Variants in PSIP1 observed in about 807,000 individuals in gnomAD.
PSIP1 encodes the protein PC4 and SRSF1 interacting protein 1, also known as PC4 and SFRS1-interacting protein.
A neutral mutation model predicts 74.7 loss-of-function variants in PSIP1; 19 were observed. The ratio of observed to expected loss-of-function variants is 0.25; its 90% confidence interval spans 0.18 to 0.37. The LOEUF is 0.37. PSIP1 is among the 10% of genes least tolerant of loss of function. The pLI is 1.00. For missense variants in PSIP1, 601 were observed against 614.3 expected (o/e 0.98, Z 0.23); for synonymous variants, 222 against 195.3 (o/e 1.14, Z -1.14).
intron 3 of PSIP1, chr9:15,505,225 CCA>C (rs1472593140): frequency 6.6e-6 from 1 of 152,170 alleles, no homozygotes; most frequent in East Asian, 1.9e-4. Context: ...GTGTCAGCCA[CCA>C]CACCCAGCCA....
At chr9:15,500,573 T>C (rs1384158286) in intron 3 of PSIP1, among the ~76,000 whole-genome samples, 1 of 152,218 alleles carries the variant, frequency 6.6e-6, no homozygotes, top group African/African-American at 2.4e-5. Flanking sequence ...ATGAAACTTG[T>C]ACAGAAGAAC....
intron 6 of PSIP1, among the ~76,000 whole-genome samples, chr9:15,484,305 T>TAC (rs2036465881): frequency 7.5e-6 from 1 of 134,212 alleles, no homozygotes; most frequent in East Asian, 2.2e-4. Flanking sequence ...AAAAAAAAAA[T>TAC]ATATATATAT....
At chr9:15,468,187 G>A (rs918462130) in intron 14 of PSIP1, among the ~76,000 whole-genome samples, 1 of 151,636 alleles carries the variant, frequency 6.6e-6, no homozygotes, top group Non-Finnish European at 1.5e-5. Flanking sequence ...TAACTCAGCA[G>A]CATCATCAGA....
intron 2 of PSIP1, among the ~76,000 whole-genome samples, chr9:15,509,115 C>T (rs1052502869): frequency 1.3e-5 from 2 of 152,214 alleles, no homozygotes; most frequent in Non-Finnish European, 2.9e-5. Context: ...TTCCACCATT[C>T]CCCTGCTGAC....
intron 8 of PSIP1, among the ~76,000 whole-genome samples, chr9:15,477,808 A>G (rs1195798338): frequency 1.3e-5 from 2 of 152,108 alleles, no homozygotes; most frequent in African/African-American, 4.8e-5. Flanking sequence ...TTTTAGCCCT[A>G]TTTTTAAATA....
At chr9:15,488,797 G>A (rs186259609) in intron 4 of PSIP1, among the ~76,000 whole-genome samples, 347 of 146,832 alleles carry the variant, frequency 2.4e-3, no homozygotes, top group East Asian at 9.5e-3. Flanking sequence ...CGAGGCGGGC[G>A]GATCACAAGG....
intron 3 of PSIP1, among the ~76,000 whole-genome samples, chr9:15,503,126 G>C (rs929325684): frequency 6.6e-6 from 1 of 152,196 alleles, no homozygotes; most frequent in African/African-American, 2.4e-5. Flanking sequence ...CAGCACTTTG[G>C]GAGGCCAAGG....
intron 3 of PSIP1, among the ~76,000 whole-genome samples, chr9:15,497,663 T>G (rs546009132): frequency 6.6e-6 from 1 of 152,000 alleles, no homozygotes; most frequent in Admixed American, 6.5e-5. Context: ...AGGAAGAAAG[T>G]AGGTTAGCTA....
At chr9:15,472,165 CTTTAGA>C in intron 10 of PSIP1, 1 of 985,850 alleles carries the variant, frequency 1.0e-6, no homozygotes, top group Non-Finnish European at 1.2e-6. Flanking sequence ...CCCTGTCAGC[CTTTAGA>C]TTTACTTTTA....
At chr9:15,468,387 G>C (rs1006468633) in intron 14 of PSIP1, 7 of 711,424 alleles carry the variant, frequency 9.8e-6, no homozygotes, top group Admixed American at 3.6e-5. Context: ...TTTATCCAGA[G>C]TCATCTGCCT....
intron 3 of PSIP1, among the ~76,000 whole-genome samples, chr9:15,491,704 G>C (rs971682478): frequency 6.6e-6 from 1 of 152,198 alleles, no homozygotes; most frequent in Non-Finnish European, 1.5e-5. Context: ...AACCACTATA[G>C]GTGTGTTAGT....
Position 15,464,071 on chromosome 9 carries a change from T to C in PSIP1, c.*1449A>G, listed in dbSNP as rs143703903. ...AAAGTAATTTACTAGCAGAGTTTGA[T>C]AGAAAAATTCTTTAATGAAAACAAG... On this transcript the variant is annotated 3_prime_UTR_variant, in exon 16 of 16. Transcript: ENST00000380733. The C allele has an allele frequency of 2.3e-3, 406 of 177,682 alleles. 2 individuals carry two copies. The highest frequency in any genetic ancestry group is 0.011 in the Middle Eastern group (5 of 446). The allele number at this position is 177,682 out of a possible 1,614,324, so 11.0% of individuals were successfully genotyped here. A position where few individuals can be genotyped will look rare whatever the true frequency, so the allele number is the denominator to read the frequency against.
chr9:15,503,875 T>C (rs998168983), intron 3 of PSIP1, among the ~76,000 whole-genome samples: 7 of 152,134 alleles, frequency 4.6e-5, no homozygotes, highest in African/African-American at 1.7e-4. Flanking sequence ...GCCTCCCAAG[T>C]AGCTGAGACT....
chr9:15,493,465 C>T (rs1423212616), intron 3 of PSIP1, among the ~76,000 whole-genome samples: 1 of 152,214 alleles, frequency 6.6e-6, no homozygotes, highest in East Asian at 1.9e-4. Context: ...CTGTTCCAAC[C>T]TCTGCCTGTT....
intron 14 of PSIP1, chr9:15,468,371 A>G: frequency 1.5e-6 from 1 of 683,750 alleles, no homozygotes; most frequent in Non-Finnish European, 2.7e-6. Context: ...GGGTTTTTAA[A>G]AATTGTTTAT....
At chr9:15,504,160 G>A (rs997514772) in intron 3 of PSIP1, among the ~76,000 whole-genome samples, 2 of 152,122 alleles carry the variant, frequency 1.3e-5, no homozygotes. Context: ...CAAAAACCAA[G>A]TGCATTTTGA....
intron 14 of PSIP1, among the ~76,000 whole-genome samples, chr9:15,467,601 C>G (rs1346962444): frequency 1.3e-5 from 2 of 152,092 alleles, no homozygotes; most frequent in East Asian, 3.8e-4. Flanking sequence ...AGCTTATGGG[C>G]TACAAAAGCA....
intron 9 of PSIP1, among the ~76,000 whole-genome samples, chr9:15,473,109 A>G (rs959372239): frequency 1.3e-5 from 2 of 152,228 alleles, no homozygotes; most frequent in African/African-American, 4.8e-5. Flanking sequence ...GAAATGAGCC[A>G]AAAATCAGAT....
At chr9:15,470,486 T>A in intron 10 of PSIP1, 1 of 714,364 alleles carries the variant, frequency 1.4e-6, no homozygotes, top group Non-Finnish European at 1.7e-6. Flanking sequence ...TAACATTCAC[T>A]AACATTTCAC....
Sources: allele counts gnomAD v4.1 joint callset (sites outside exome capture counted in the v4.1 genomes callset), GRCh38; gene constraint gnomAD v4.1.1; transcripts MANE v1.5; gene names NCBI Gene and HGNC (gene_info 2026-07-23, HGNC 2026-07-21).